CNTN4: variants seen among roughly 807,000 people sequenced by gnomAD.
The protein encoded by CNTN4 is contactin 4, also known as contactin-4.
Under a neutral mutation model 122.5 loss-of-function variants are expected in CNTN4, and 77 were observed. The ratio of observed to expected loss-of-function variants is 0.63; its 90% CI spans 0.52 to 0.76. CNTN4 has a LOEUF of 0.76. CNTN4 is among the 30% of genes least tolerant of loss of function. The pLI is 0.00. For synonymous variants in CNTN4, 512 were observed against 447.0 expected (o/e 1.15, Z -1.83); for missense variants, 1,256 against 1,259.1 (o/e 1.00, Z 0.04).
At chr3:2,165,667 C>T (rs558349158) in intron 2 of CNTN4, among the ~76,000 whole-genome samples, 1 of 152,096 alleles carries the variant, frequency 6.6e-6, no homozygotes, top group Non-Finnish European at 1.5e-5. Context: ...AAAGTTTGTG[C>T]CCTTTGACCA....
At chr3:2,118,572 A>G (rs1343345786) in intron 2 of CNTN4, among the ~76,000 whole-genome samples, 1 of 152,256 alleles carries the variant, frequency 6.6e-6, no homozygotes, top group Non-Finnish European at 1.5e-5. Context: ...CATGTAAGTT[A>G]TATATTATTC....
chr3:2,791,330 G>A (rs55877751), intron 6 of CNTN4, among the ~76,000 whole-genome samples: 2 of 151,544 alleles, frequency 1.3e-5, no homozygotes, highest in African/African-American at 2.4e-5. Context: ...CCAGGAGTTC[G>A]AGACTAACCT....
Position 2,665,341 on chromosome 3 carries a change from G to T in CNTN4, c.56-70874G>T, listed in dbSNP as rs984824063. On this transcript the variant is annotated intron_variant, in intron 4 of 24. Coordinates refer to ENST00000418658, the MANE Select transcript of CNTN4 (RefSeq NM_175607.3). Reference sequence around the variant, plus strand: ...ATGAGCTTTACTAGTTTAGGAAACAGTGCTTTTTCTGTGGGATGCATTTTG... The same window carrying T: ...ATGAGCTTTACTAGTTTAGGAAACATTGCTTTTTCTGTGGGATGCATTTTG... 4.6e-5 allele frequency among the ~76,000 whole-genome samples: 7 copies of T among 152,198 alleles called. No homozygotes were observed. The East Asian group carries it at 1.3e-3, about 29-fold the overall frequency.
At chr3:2,278,481 A>G (rs932440950) in intron 2 of CNTN4, among the ~76,000 whole-genome samples, 3 of 152,176 alleles carry the variant, frequency 2.0e-5, no homozygotes, top group Non-Finnish European at 4.4e-5. Flanking sequence ...CTCTTGTGTT[A>G]CAACAGAGAA....
chr3:2,407,928 C>G (rs1226212190), intron 3 of CNTN4, among the ~76,000 whole-genome samples: 1 of 152,134 alleles, frequency 6.6e-6, no homozygotes, highest in Admixed American at 6.5e-5. Flanking sequence ...ATGTACATAT[C>G]TGTGTGTGTC....
chr3:2,439,408 AT>A (rs201988565), intron 3 of CNTN4, among the ~76,000 whole-genome samples: 5 of 150,904 alleles, frequency 3.3e-5, no homozygotes, highest in Non-Finnish European at 7.4e-5. Context: ...ACTTTATTTT[AT>A]TTTTTTTTAC....
chr3:2,666,113 AAT>A (rs1400044786), intron 4 of CNTN4, among the ~76,000 whole-genome samples: 1 of 152,222 alleles, frequency 6.6e-6, no homozygotes, highest in Non-Finnish European at 1.5e-5. Context: ...CCAAGCTAGC[AAT>A]AGAACAAATT....
At chr3:2,485,620 T>TG (rs1378178398) in intron 3 of CNTN4, among the ~76,000 whole-genome samples, 3 of 151,624 alleles carry the variant, frequency 2.0e-5, no homozygotes, top group Admixed American at 6.6e-5. Flanking sequence ...CTAGGTAATC[T>TG]GGGGGGGACT....
chr3:2,407,706 A>G (rs139536414), intron 3 of CNTN4, among the ~76,000 whole-genome samples: 5 of 152,300 alleles, frequency 3.3e-5, no homozygotes, highest in East Asian at 1.9e-4. Flanking sequence ...TGATTCCCAA[A>G]TGCGTCAAAA....
At chr3:2,416,609 G>A (rs1009555387) in intron 3 of CNTN4, among the ~76,000 whole-genome samples, 2 of 152,052 alleles carry the variant, frequency 1.3e-5, no homozygotes, top group South Asian at 2.1e-4. Context: ...TCTGAAAATC[G>A]TGTATGACTT....
intron 4 of CNTN4, among the ~76,000 whole-genome samples, chr3:2,718,206 TA>T (rs2087618289): frequency 6.6e-6 from 1 of 152,018 alleles, no homozygotes; most frequent in East Asian, 1.9e-4. Context: ...TAGCCTCATA[TA>T]TATTATCACC....
chr3:2,978,098 C>T (rs1693596512), intron 13 of CNTN4, among the ~76,000 whole-genome samples: 1 of 152,202 alleles, frequency 6.6e-6, no homozygotes, highest in Non-Finnish European at 1.5e-5. Flanking sequence ...TCATGTCAGA[C>T]TGCCATCCTC....
At chr3:2,740,742 G>T (rs1487342448) in intron 5 of CNTN4, among the ~76,000 whole-genome samples, 1 of 152,158 alleles carries the variant, frequency 6.6e-6, no homozygotes, top group Admixed American at 6.5e-5. Flanking sequence ...ATCAGGTAGG[G>T]TTCTCAGAAG....
chr3:2,900,528 G>A (rs1031543806), intron 10 of CNTN4, among the ~76,000 whole-genome samples, 157 bp from the exon 11 acceptor site: 11 of 152,154 alleles, frequency 7.2e-5, no homozygotes, highest in African/African-American at 2.7e-4. Flanking sequence ...GTAGGGTATA[G>A]GCACCTCCCT....
intron 3 of CNTN4, among the ~76,000 whole-genome samples, chr3:2,565,499 C>G (rs1006483570): frequency 6.6e-5 from 10 of 152,106 alleles, no homozygotes; most frequent in African/African-American, 2.2e-4. Flanking sequence ...TATAGGCTAG[C>G]TACTGTAATC....
At chr3:2,374,416 T>C (rs1229576918) in intron 3 of CNTN4, among the ~76,000 whole-genome samples, 4 of 152,214 alleles carry the variant, frequency 2.6e-5, no homozygotes, top group Non-Finnish European at 4.4e-5. Flanking sequence ...ACATCCTCTG[T>C]GTATATTAAG....
At chr3:2,175,347 T>C (rs2036704098) in intron 2 of CNTN4, among the ~76,000 whole-genome samples, 1 of 152,152 alleles carries the variant, frequency 6.6e-6, no homozygotes, top group Admixed American at 6.5e-5. Flanking sequence ...TAATCCTTCA[T>C]GGCCGAGTTT....
chr3:2,420,860 C>G (rs886106536), intron 3 of CNTN4, among the ~76,000 whole-genome samples: 3 of 152,168 alleles, frequency 2.0e-5, no homozygotes, highest in African/African-American at 7.2e-5. Flanking sequence ...CGTTTCTGAT[C>G]AGTAAAATGG....
intron 2 of CNTN4, among the ~76,000 whole-genome samples, chr3:2,132,669 T>TC (rs1378274697): frequency 6.6e-6 from 1 of 152,178 alleles, no homozygotes; most frequent in Non-Finnish European, 1.5e-5. Flanking sequence ...TCATCATTTT[T>TC]CCTTAGTGCA....
Sources: allele counts gnomAD v4.1 joint callset (sites outside exome capture counted in the v4.1 genomes callset), GRCh38; gene constraint gnomAD v4.1.1; transcripts MANE v1.5; gene names NCBI Gene and HGNC (gene_info 2026-07-23, HGNC 2026-07-21).